ATRN: variants seen among roughly 807,000 people sequenced by gnomAD.
ATRN encodes attractin-2.
A neutral mutation model predicts 178.7 loss-of-function variants in ATRN; 54 were observed. The observed-to-expected ratio is 0.30, with a 90% CI of 0.24 to 0.38. The LOEUF (loss-of-function observed/expected upper bound fraction) is 0.38. Ranked by LOEUF, ATRN falls within the 10% of genes least tolerant of loss-of-function variation. The pLI is 1.00. For synonymous variants in ATRN, 636 were observed against 663.0 expected (o/e 0.96, Z 0.63); for missense variants, 1,443 against 1,815.1 (o/e 0.79, Z 3.73).
At chr20:3,536,691 A>C (rs2085538167) in intron 2 of ATRN, among the ~76,000 whole-genome samples, 1 of 152,224 alleles carries the variant, frequency 6.6e-6, no homozygotes, top group Non-Finnish European at 1.5e-5. Flanking sequence ...ACATTTTTGC[A>C]AATCTCTTTA....
chr20:3,483,148 A>G (rs186842282), intron 1 of ATRN, among the ~76,000 whole-genome samples: 13 of 152,304 alleles, frequency 8.5e-5, no homozygotes, highest in Admixed American at 1.3e-4. Flanking sequence ...TATTTCTGCA[A>G]ACAATATCTT....
intron 24 of ATRN, 115 bp from the exon 25 acceptor site, chr20:3,624,395 TC>T (rs1464611378): frequency 1.0e-6 from 1 of 958,816 alleles, no homozygotes; most frequent in African/African-American, 1.6e-5. Context: ...GAAAAAAGTT[TC>T]CTTAACTTCT....
At chr20:3,513,190 G>A (rs1386717541) in intron 1 of ATRN, among the ~76,000 whole-genome samples, 1 of 152,104 alleles carries the variant, frequency 6.6e-6, no homozygotes, top group Non-Finnish European at 1.5e-5. Flanking sequence ...GCCCATGCCT[G>A]TGTCCTGAAT....
rs1290199654 is a variant in ATRN at position 3,471,369 on chromosome 20, GCGGCGGTGT to G, written c.266_274del (p.Ala89_Ser91del). On this transcript the variant is annotated inframe_deletion, in exon 1 of 29. Coordinates refer to ENST00000262919, the MANE Select transcript of ATRN (RefSeq NM_139321.3). ...TGAGGCCGAGGCCGCGGCGGCGGCGGCGGCGGTGTCGGGCTCAGCCGCAGCCGAGGCCAA... is the reference window on the plus strand; with the variant it reads ...TGAGGCCGAGGCCGCGGCGGCGGCGGCGGGCTCAGCCGCAGCCGAGGCCAA... 1 of 1,482,766 alleles carries G rather than the reference GCGGCGGTGT, an allele frequency of 6.7e-7. No individual in the cohort carries two copies. The highest frequency in any genetic ancestry group is 1.5e-5 in the African/African-American group (1 of 67,940). 91.9% of individuals were successfully genotyped at this position (1,482,766 alleles called of 1,614,324 possible).
intron 18 of ATRN, among the ~76,000 whole-genome samples, chr20:3,590,294 G>A (rs147732448): frequency 3.4e-4 from 52 of 152,300 alleles, no homozygotes; most frequent in African/African-American, 1.1e-3. Context: ...TGCATAAACA[G>A]AACAAGTACA....
At chr20:3,558,194 T>G (rs942899345) in intron 6 of ATRN, among the ~76,000 whole-genome samples, 2 of 152,194 alleles carry the variant, frequency 1.3e-5, no homozygotes, top group African/African-American at 4.8e-5. Context: ...ATAGTAGAAT[T>G]AATAAATTTT....
chr20:3,565,123 C>T (rs905005325), intron 10 of ATRN, among the ~76,000 whole-genome samples: 6 of 152,088 alleles, frequency 3.9e-5, no homozygotes, highest in African/African-American at 9.7e-5. Flanking sequence ...TCATGGATTT[C>T]GGGTGCGTTT....
At position 3,575,298 on chromosome 20, in the gene ATRN, G is replaced by A. The variant is rs182070299; in HGVS notation, c.2093-529G>A. ...CTTTTCTAGAGTTAACAGGAGATGCGGCAGGTCTGTAGTAGCCCAGAAATT... is the reference window on the plus strand; with the variant it reads ...CTTTTCTAGAGTTAACAGGAGATGCAGCAGGTCTGTAGTAGCCCAGAAATT... On this transcript the variant is annotated intron_variant, in intron 12 of 28. Coordinates refer to ENST00000262919, the MANE Select transcript of ATRN (RefSeq NM_139321.3). 4.3e-4 allele frequency among the ~76,000 whole-genome samples: 65 copies of A among 152,260 alleles called. No homozygotes were observed. The East Asian group carries it at 7.1e-3, about 17-fold the overall frequency.
chr20:3,534,437 G>A (rs1454021043), intron 1 of ATRN, among the ~76,000 whole-genome samples: 1 of 152,146 alleles, frequency 6.6e-6, no homozygotes, highest in Non-Finnish European at 1.5e-5. Flanking sequence ...GGAGAGACTG[G>A]ATTTTGGATG....
intron 24 of ATRN, among the ~76,000 whole-genome samples, chr20:3,604,664 T>A (rs2086655403): frequency 6.6e-6 from 1 of 152,228 alleles, no homozygotes; most frequent in Admixed American, 6.5e-5. Flanking sequence ...TGACATGAGA[T>A]GATCCCAGAA....
intron 1 of ATRN, among the ~76,000 whole-genome samples, chr20:3,525,582 G>A (rs1352284256): frequency 2.0e-5 from 3 of 152,084 alleles, no homozygotes; most frequent in Admixed American, 6.6e-5. Flanking sequence ...CCAAAACCTG[G>A]CAGAGACACA....
At chr20:3,502,002 C>T (rs1469547008) in intron 1 of ATRN, among the ~76,000 whole-genome samples, 3 of 152,158 alleles carry the variant, frequency 2.0e-5, no homozygotes, top group Admixed American at 2.0e-4. Context: ...CACATTACCT[C>T]AATCCCTGAT....
chr20:3,549,098 A>G (rs1031294017), intron 5 of ATRN, 72 bp from the exon 6 acceptor site: 68 of 1,229,748 alleles, frequency 5.5e-5, no homozygotes, highest in African/African-American at 4.1e-4. Flanking sequence ...TTACATTTAG[A>G]TAATTAAAAC....
Position 3,584,211 on chromosome 20 carries a change from C to A in ATRN, c.2950+128C>A, listed in dbSNP as rs2086322983. On this transcript the variant is annotated intron_variant, in intron 17 of 28. Transcript: ENST00000262919. ...GACTGGACATGACCTCTGCTCAAAC[C>A]TGACCAGAGACTGCCATCGAGACCT... 6 of 1,013,926 alleles carry A rather than the reference C, an allele frequency of 5.9e-6. No individual in the cohort carries two copies. In the South Asian group the frequency reaches 9.4e-5, roughly 16 times the overall value. The allele number at this position is 1,013,926 out of a possible 1,614,324, so 62.8% of individuals were successfully genotyped here. A position where few individuals can be genotyped will look rare whatever the true frequency, so the allele number is the denominator to read the frequency against.
intron 25 of ATRN, among the ~76,000 whole-genome samples, chr20:3,630,916 C>CTTT (rs368394749): frequency 2.3e-5 from 1 of 43,426 alleles, no homozygotes; most frequent in African/African-American, 9.9e-5. Flanking sequence ...ATTTATTTAG[C>CTTT]TTTTTTTTTT....
At chr20:3,557,361 A>G (rs573727848) in intron 6 of ATRN, among the ~76,000 whole-genome samples, 1 of 152,342 alleles carries the variant, frequency 6.6e-6, no homozygotes, top group African/African-American at 2.4e-5. Flanking sequence ...CTCCGTAGCA[A>G]CATTTTCAGT....
intron 24 of ATRN, among the ~76,000 whole-genome samples, chr20:3,608,604 A>G (rs1326433609): frequency 6.6e-6 from 1 of 152,198 alleles, no homozygotes; most frequent in East Asian, 1.9e-4. Flanking sequence ...TGTTGTGGGT[A>G]CTATAGCTTT....
chr20:3,496,085 A>G (rs2084874547), intron 1 of ATRN, among the ~76,000 whole-genome samples: 1 of 152,190 alleles, frequency 6.6e-6, no homozygotes, highest in African/African-American at 2.4e-5. Flanking sequence ...AATCAAGTGC[A>G]TCCTTTCAAA....
intron 1 of ATRN, among the ~76,000 whole-genome samples, chr20:3,497,770 T>A (rs527844951): frequency 6.6e-6 from 1 of 152,308 alleles, no homozygotes; most frequent in Non-Finnish European, 1.5e-5. Context: ...CCAATTTGGT[T>A]CCATTCTCCC....
Sources: allele counts gnomAD v4.1 joint callset (sites outside exome capture counted in the v4.1 genomes callset), GRCh38; gene constraint gnomAD v4.1.1; transcripts MANE v1.5; gene names NCBI Gene and HGNC (gene_info 2026-07-23, HGNC 2026-07-21).